The following AIG1 variants were observed in gnomAD, a reference collection of about 807,000 sequenced individuals.
AIG1 encodes the protein androgen induced 1, also known as androgen-induced gene 1 protein.
In AIG1, 23 loss-of-function variants were observed where a neutral mutation model predicts 31.4. The ratio of observed to expected loss-of-function variants is 0.73; its 90% CI spans 0.53 to 1.04. The LOEUF is 1.04. Ranked by LOEUF, AIG1 falls within the 50% of genes least tolerant of loss-of-function variation. AIG1 has a pLI of 0.00. For synonymous variants in AIG1, 100 were observed against 110.5 expected, an observed-to-expected ratio of 0.90 and a Z score of 0.60; for missense variants, 274 against 295.0, an observed-to-expected ratio of 0.93 and a Z score of 0.52.
intron 3 of AIG1, among the ~76,000 whole-genome samples, chr6:143,269,915 G>T (rs1316464029): frequency 6.6e-6 from 1 of 152,120 alleles, no homozygotes; most frequent in African/African-American, 2.4e-5. Context: ...GTTCACTTTA[G>T]GAACATTTGT....
At chr6:143,138,752 G>A (rs779360850) in intron 2 of AIG1, among the ~76,000 whole-genome samples, 24 of 152,064 alleles carry the variant, frequency 1.6e-4, no homozygotes, top group Non-Finnish European at 3.1e-4. Context: ...AATGAGCCGG[G>A]CGTGGTGGTG....
At chr6:143,170,351 T>G (rs1787374361) in intron 3 of AIG1, among the ~76,000 whole-genome samples, 1 of 152,156 alleles carries the variant, frequency 6.6e-6, no homozygotes, top group Non-Finnish European at 1.5e-5. Flanking sequence ...CCACTTCCTC[T>G]AGGTTTTTCA....
intron 1 of AIG1, among the ~76,000 whole-genome samples, chr6:143,087,256 C>A (rs1778881944): frequency 6.6e-6 from 1 of 152,164 alleles, no homozygotes; most frequent in Non-Finnish European, 1.5e-5. Context: ...TGGCGGGCTG[C>A]TCCCAAGGTG....
chr6:143,232,917 C>CT (rs1450336336), intron 3 of AIG1, among the ~76,000 whole-genome samples: 1 of 152,158 alleles, frequency 6.6e-6, no homozygotes, highest in Non-Finnish European at 1.5e-5. Flanking sequence ...AAGCGATGTC[C>CT]TTTCAGAGTC....
intron 3 of AIG1, among the ~76,000 whole-genome samples, chr6:143,222,616 A>T (rs1319800785): frequency 6.6e-6 from 1 of 152,210 alleles, no homozygotes; most frequent in Admixed American, 6.5e-5. Context: ...TGGCAGTTTA[A>T]AAACTCTCTG....
chr6:143,168,873 T>C (rs1416991028), intron 3 of AIG1, among the ~76,000 whole-genome samples: 3 of 152,276 alleles, frequency 2.0e-5, no homozygotes, highest in African/African-American at 7.2e-5. Flanking sequence ...GCATAAATTT[T>C]GATTATTTTA....
chr6:143,074,421 A>G (rs904894280), intron 1 of AIG1, among the ~76,000 whole-genome samples: 1 of 152,204 alleles, frequency 6.6e-6, no homozygotes, highest in Admixed American at 6.5e-5. Flanking sequence ...TGAATTTTGT[A>G]TATGGCGCAA....
At chr6:143,300,333 A>C (rs1317768002) in intron 4 of AIG1, among the ~76,000 whole-genome samples, 1 of 152,186 alleles carries the variant, frequency 6.6e-6, no homozygotes, top group African/African-American at 2.4e-5. Context: ...GTTAAACATA[A>C]ATCTTTCAGA....
At chr6:143,278,557 C>T (rs1334434720) in intron 3 of AIG1, among the ~76,000 whole-genome samples, 37 of 151,680 alleles carry the variant, frequency 2.4e-4, no homozygotes, top group Non-Finnish European at 1.5e-5. Context: ...CAACCTCTGC[C>T]TCCCAGGTTC....
At chr6:143,176,564 G>A (rs550982617) in intron 3 of AIG1, among the ~76,000 whole-genome samples, 1 of 151,486 alleles carries the variant, frequency 6.6e-6, no homozygotes, top group Admixed American at 6.6e-5. Flanking sequence ...AGGCCAAGGG[G>A]GTTATGTTCC....
intron 1 of AIG1, among the ~76,000 whole-genome samples, chr6:143,134,914 G>T (rs1783597870): frequency 6.6e-6 from 1 of 152,058 alleles, no homozygotes; most frequent in Admixed American, 6.6e-5. Flanking sequence ...GCTAAGCTAA[G>T]CTATGCTATT....
Position 143,292,043 on chromosome 6 carries a change from A to G in AIG1, c.515+7818A>G, listed in dbSNP as rs184845908. On this transcript the variant is annotated intron_variant, in intron 4 of 5. Coordinates refer to ENST00000357847, the MANE Select transcript of AIG1 (RefSeq NM_016108.4). This position sits in a 1 kb window ranked among gnomAD's most constrained non-coding sequence, Gnocchi z 4.9. ...AGTGGCCTGGACCCTGGTGGTAGAA[A>G]TGGCGTTAATAGGATTCTGGATATA... 6.5e-3 allele frequency among the ~76,000 whole-genome samples: 983 copies of G among 152,306 alleles called. 7 individuals carry two copies. The highest frequency in any genetic ancestry group is 9.8e-3 in the Non-Finnish European group (667 of 68,026).
intron 3 of AIG1, chr6:143,187,676 T>C: frequency 6.5e-7 from 1 of 1,536,118 alleles, no homozygotes; most frequent in Non-Finnish European, 8.7e-7. Context: ...AACGCCCATC[T>C]GACTTTGAAG....
chr6:143,244,547 G>A (rs1379288888), intron 3 of AIG1, among the ~76,000 whole-genome samples: 2 of 152,176 alleles, frequency 1.3e-5, no homozygotes, highest in Non-Finnish European at 2.9e-5. Context: ...ACATGGGTAT[G>A]GGCTTTAATA....
In AIG1 at chr6:143,236,211, A is replaced by C. The variant is rs376841747; in HGVS notation, c.400-47899A>C. Among the ~76,000 whole-genome samples the C allele has an allele frequency of 2.7e-3, 404 of 152,338 alleles. 1 individual carries two copies. Among genetic ancestry groups the C allele is most frequent in the African/African-American group, 9.3e-3 (388 of 41,578 alleles). On this transcript the variant is annotated intron_variant, in intron 3 of 5. Coordinates refer to ENST00000357847, the MANE Select transcript of AIG1 (RefSeq NM_016108.4). Reference sequence around the variant, plus strand: ...GTGCCAGTTCTCATGAGTTGAGCGCATACGGCTGGTGTCCCTCCTGGTGAC... The same window carrying C: ...GTGCCAGTTCTCATGAGTTGAGCGCCTACGGCTGGTGTCCCTCCTGGTGAC...
At chr6:143,132,922 G>A (rs1199173215) in intron 1 of AIG1, among the ~76,000 whole-genome samples, 1 of 151,392 alleles carries the variant, frequency 6.6e-6, no homozygotes, top group East Asian at 1.9e-4. Context: ...TCTTTTTAAT[G>A]TCTTATTTCT....
chr6:143,311,682 A>T (rs1775286688), intron 4 of AIG1, among the ~76,000 whole-genome samples: 1 of 151,892 alleles, frequency 6.6e-6, no homozygotes, highest in Non-Finnish European at 1.5e-5. Flanking sequence ...TTGATGAAGA[A>T]CATCTATTAA....
At chr6:143,154,923 C>G (rs1352379558) in intron 2 of AIG1, among the ~76,000 whole-genome samples, 1 of 150,086 alleles carries the variant, frequency 6.7e-6, no homozygotes, top group Non-Finnish European at 1.5e-5. Flanking sequence ...TCTCGGTGCA[C>G]TGCAGCCTCT....
At chr6:143,116,122 T>C (rs1320895873) in intron 1 of AIG1, among the ~76,000 whole-genome samples, 1 of 152,238 alleles carries the variant, frequency 6.6e-6, no homozygotes, top group Non-Finnish European at 1.5e-5. Context: ...TTTATACTTA[T>C]TGAACATTCA....
Sources: allele counts gnomAD v4.1 joint callset (sites outside exome capture counted in the v4.1 genomes callset), GRCh38; gene constraint gnomAD v4.1.1; non-coding constraint Gnocchi (gnomAD v3.1); transcripts MANE v1.5; gene names NCBI Gene and HGNC (gene_info 2026-07-23, HGNC 2026-07-21).